MACROD2: variants seen among roughly 807,000 people sequenced by gnomAD.
MACROD2 encodes the protein mono-ADP ribosylhydrolase 2, also known as ADP-ribose glycohydrolase MACROD2.
A neutral mutation model predicts 70.4 loss-of-function variants in MACROD2; 36 were observed. The observed-to-expected ratio is 0.51, with a 90% CI of 0.39 to 0.68. The LOEUF (loss-of-function observed/expected upper bound fraction) is 0.68, where lower values mean the gene tolerates loss of function less well. Among genes scored for constraint, MACROD2 ranks in the 30% least tolerant of loss-of-function variants. The pLI, the probability that MACROD2 is intolerant of heterozygous loss-of-function variation, is 0.00. For missense variants in MACROD2, 496 were observed against 538.4 expected (o/e 0.92, Z 0.78); for synonymous variants, 172 against 178.8 (o/e 0.96, Z 0.30).
chr20:15,926,066 A>G (rs2065485077), intron 10 of MACROD2, among the ~76,000 whole-genome samples: 1 of 152,188 alleles, frequency 6.6e-6, no homozygotes, highest in South Asian at 2.1e-4. Flanking sequence ...CTGGAGAACT[A>G]TATTGTAACG....
intron 5 of MACROD2, among the ~76,000 whole-genome samples, chr20:14,765,637 C>T (rs1235430213): frequency 1.3e-5 from 2 of 151,976 alleles, no homozygotes; most frequent in Non-Finnish European, 1.5e-5. Flanking sequence ...TTGAAAGGGA[C>T]CCTAGGGATC....
intron 4 of MACROD2, among the ~76,000 whole-genome samples, chr20:14,541,850 T>G (rs1033108167): frequency 3.9e-5 from 6 of 152,186 alleles, no homozygotes; most frequent in Non-Finnish European, 8.8e-5. Context: ...GATTAATAGA[T>G]CCTTTAAATA....
chr20:14,367,803 A>G (rs1203415604), intron 3 of MACROD2, among the ~76,000 whole-genome samples: 1 of 151,694 alleles, frequency 6.6e-6, no homozygotes, highest in Non-Finnish European at 1.5e-5. Flanking sequence ...GTGTGCATTT[A>G]TGTATTTTTC....
chr20:14,258,499 G>C (rs1001498409), intron 3 of MACROD2, among the ~76,000 whole-genome samples: 1 of 151,868 alleles, frequency 6.6e-6, no homozygotes, highest in Non-Finnish European at 1.5e-5. Context: ...ATGTTTTTTG[G>C]CTATTTGTAT....
At chr20:15,003,268 G>A (rs888749344) in intron 5 of MACROD2, among the ~76,000 whole-genome samples, 1 of 152,156 alleles carries the variant, frequency 6.6e-6, no homozygotes, top group African/African-American at 2.4e-5. Context: ...CACAATTTAT[G>A]TAAAAAGGAT....
chr20:15,015,248 C>T (rs2075112317), intron 5 of MACROD2, among the ~76,000 whole-genome samples: 1 of 151,988 alleles, frequency 6.6e-6, no homozygotes, highest in Non-Finnish European at 1.5e-5. Context: ...TTCAGAGGAA[C>T]TGCAACCAAA....
rs148535857 is a variant in MACROD2 at position 15,189,555 on chromosome 20, T to C, written c.419-40385T>C. Among the ~76,000 whole-genome samples the C allele has an allele frequency of 1.6e-3, 242 of 152,328 alleles. 1 individual carries two copies. Among genetic ancestry groups the C allele is most frequent in the African/African-American group, 5.6e-3 (234 of 41,578 alleles). On this transcript the variant is annotated intron_variant, in intron 5 of 17. Coordinates refer to ENST00000684519, the MANE Select transcript of MACROD2 (RefSeq NM_001351661.2). ...TGCTATTATTGACTTTATTCTAAAA[T>C]AGGCTATTACAATTTCTGAGTAACT... is the stretch of plus-strand genomic sequence containing the variant.
chr20:15,309,368 G>A (rs2077729284), intron 6 of MACROD2, among the ~76,000 whole-genome samples: 1 of 152,122 alleles, frequency 6.6e-6, no homozygotes, highest in Admixed American at 6.5e-5. Flanking sequence ...AGGGGGAAAG[G>A]CAGGACTTAA....
intron 8 of MACROD2, among the ~76,000 whole-genome samples, chr20:15,703,471 C>CTA (rs1160215649): frequency 6.6e-6 from 1 of 152,186 alleles, no homozygotes; most frequent in Non-Finnish European, 1.5e-5. Context: ...AACCCCCAGT[C>CTA]TATAAACTCT....
chr20:15,386,474 A>G (rs2045714389), intron 6 of MACROD2, among the ~76,000 whole-genome samples: 1 of 152,206 alleles, frequency 6.6e-6, no homozygotes, highest in Non-Finnish European at 1.5e-5. Context: ...TAAAACTTTA[A>G]GAGACCATTT....
intron 3 of MACROD2, among the ~76,000 whole-genome samples, chr20:14,238,444 C>T (rs2081897713): frequency 6.6e-6 from 1 of 152,116 alleles, no homozygotes; most frequent in Non-Finnish European, 1.5e-5. Flanking sequence ...AACCCACAAA[C>T]AACATTTTAC....
At chr20:14,133,638 A>G (rs933726216) in intron 3 of MACROD2, among the ~76,000 whole-genome samples, 1 of 152,224 alleles carries the variant, frequency 6.6e-6, no homozygotes, top group Non-Finnish European at 1.5e-5. Context: ...TTGTACAGAG[A>G]TGTGAATAAA....
intron 3 of MACROD2, among the ~76,000 whole-genome samples, chr20:14,455,084 C>T (rs189777621): frequency 6.6e-6 from 1 of 151,920 alleles, no homozygotes; most frequent in East Asian, 1.9e-4. Context: ...TTGGTACCTG[C>T]TATTGGCATA....
chr20:14,899,180 G>C (rs534353710), intron 5 of MACROD2, among the ~76,000 whole-genome samples: 1 of 152,220 alleles, frequency 6.6e-6, no homozygotes, highest in South Asian at 2.1e-4. Context: ...GAGAAAGCAG[G>C]CATTTGCCTT....
intron 15 of MACROD2, among the ~76,000 whole-genome samples, chr20:15,988,508 G>A (rs2066516720): frequency 6.6e-6 from 1 of 152,038 alleles, no homozygotes; most frequent in Non-Finnish European, 1.5e-5. Flanking sequence ...TGACCTATAA[G>A]AAAAAAGCTG....
chr20:15,747,218 A>C (rs978720551), intron 8 of MACROD2, among the ~76,000 whole-genome samples: 1 of 152,108 alleles, frequency 6.6e-6, no homozygotes, highest in Non-Finnish European at 1.5e-5. Flanking sequence ...GAGGCCTCTG[A>C]ATGTAGGTAC....
chr20:15,301,415 G>T (rs977935785), intron 6 of MACROD2, among the ~76,000 whole-genome samples: 3 of 152,066 alleles, frequency 2.0e-5, no homozygotes, highest in Non-Finnish European at 4.4e-5. Flanking sequence ...GAGCAGCTGG[G>T]CTCATGGTCA....
chr20:14,116,795 A>G (rs1303303831), intron 3 of MACROD2, among the ~76,000 whole-genome samples: 1 of 152,080 alleles, frequency 6.6e-6, no homozygotes, highest in Non-Finnish European at 1.5e-5. Context: ...TAGGCCAGGC[A>G]CAGTGACTCA....
chr20:14,966,197 T>G (rs1356129544), intron 5 of MACROD2, among the ~76,000 whole-genome samples: 1 of 152,142 alleles, frequency 6.6e-6, no homozygotes, highest in Non-Finnish European at 1.5e-5. Flanking sequence ...TGACGATGGA[T>G]TATGTTTTTT....
Sources: gnomAD v4.1 joint callset for allele counts (sites outside exome capture counted in the v4.1 genomes callset) on GRCh38, gnomAD v4.1.1 for gene constraint, MANE v1.5 for transcripts, NCBI Gene and HGNC (gene_info 2026-07-23, HGNC 2026-07-21) for gene names.